The following CCDC171 variants were observed in gnomAD, a reference collection of about 807,000 sequenced individuals.
CCDC171 encodes the protein coiled-coil domain-containing protein 171.
In CCDC171, 177 loss-of-function variants were observed where a neutral mutation model predicts 168.2. The ratio of observed to expected loss-of-function variants is 1.05; its 90% CI spans 0.93 to 1.19. The LOEUF is 1.19. Among genes scored for constraint, CCDC171 ranks in the 50% most tolerant of loss-of-function variants. CCDC171 has a pLI of 0.00. For synonymous variants in CCDC171, 687 were observed against 540.8 expected, an observed-to-expected ratio of 1.27 and a Z score of -3.75; for missense variants, 1,991 against 1,539.0, an observed-to-expected ratio of 1.29 and a Z score of -4.91.
intron 17 of CCDC171, among the ~76,000 whole-genome samples, chr9:15,745,063 T>C (rs2055174855): frequency 6.6e-6 from 1 of 152,208 alleles, no homozygotes; most frequent in Non-Finnish European, 1.5e-5. Flanking sequence ...GTGGAGAGTT[T>C]ATACAGTGAT....
intron 25 of CCDC171, among the ~76,000 whole-genome samples, chr9:15,956,787 T>A (rs1281731922): frequency 6.6e-6 from 1 of 152,132 alleles, no homozygotes; most frequent in Non-Finnish European, 1.5e-5. Flanking sequence ...TAAGTGCATG[T>A]TTATGAGTAG....
intron 21 of CCDC171, among the ~76,000 whole-genome samples, chr9:15,796,211 A>T (rs2058548628): frequency 6.6e-6 from 1 of 152,204 alleles, no homozygotes; most frequent in African/African-American, 2.4e-5. Context: ...GGAGATTATG[A>T]ACTCAGTGAA....
At chr9:15,580,885 C>G (rs922787289) in intron 4 of CCDC171, among the ~76,000 whole-genome samples, 1 of 152,098 alleles carries the variant, frequency 6.6e-6, no homozygotes, top group African/African-American at 2.4e-5. Flanking sequence ...CAAGGATGCC[C>G]TCTCTCACCA....
chr9:15,891,492 A>G lies in CCDC171; in HGVS notation c.3600+16829A>G, dbSNP rs557596741. Among the ~76,000 whole-genome samples, 5 of 152,298 alleles carry G rather than the reference A, an allele frequency of 3.3e-5. No homozygotes were observed. The South Asian group carries it at 1.0e-3, about 32-fold the overall frequency. ...GCAGTTGGATCTTTGTAGGTCGATT[A>G]TGGAACAGACACACGGGAGGTGCTG... On this transcript the variant is annotated intron_variant, in intron 24 of 25. Coordinates refer to ENST00000380701, the MANE Select transcript of CCDC171 (RefSeq NM_173550.4).
intron 24 of CCDC171, among the ~76,000 whole-genome samples, chr9:15,896,929 C>T (rs917806325): frequency 1.3e-5 from 2 of 151,910 alleles, no homozygotes; most frequent in Non-Finnish European, 1.5e-5. Context: ...TCACTAAAAT[C>T]CTAGTTTTTA....
At chr9:16,064,771 G>A (rs1439250901), downstream of CCDC171, among the ~76,000 whole-genome samples, 2 of 152,206 alleles carry the variant, frequency 1.3e-5, no homozygotes, top group South Asian at 2.1e-4. Context: ...AAAATTGGCC[G>A]TAATTTATTT....
At chr9:15,987,546 A>G (rs978972860) in intron 3 of CCDC171, among the ~76,000 whole-genome samples, 9 of 152,232 alleles carry the variant, frequency 5.9e-5, no homozygotes, top group Non-Finnish European at 1.0e-4. Flanking sequence ...AAATGAATAC[A>G]AGATTGACTG....
chr9:15,718,019 C>G (rs1283656218), intron 11 of CCDC171, among the ~76,000 whole-genome samples: 2 of 151,936 alleles, frequency 1.3e-5, no homozygotes, highest in Non-Finnish European at 2.9e-5. Flanking sequence ...GGTAGAGCAC[C>G]AAGTGGGTTC....
chr9:15,876,720 G>T (rs1488019293), intron 24 of CCDC171, among the ~76,000 whole-genome samples: 1 of 152,006 alleles, frequency 6.6e-6, no homozygotes, highest in African/African-American at 2.4e-5. Context: ...TGGGCTAATA[G>T]TATGAAACTC....
intron 1 of CCDC171, among the ~76,000 whole-genome samples, chr9:15,563,166 TTCTC>T (rs1211609503): frequency 6.6e-6 from 1 of 151,466 alleles, no homozygotes; most frequent in Non-Finnish European, 1.5e-5. Flanking sequence ...GACACGGAGT[TTCTC>T]TCTTGTTGGC....
At chr9:15,700,353 C>G (rs1289919491) in intron 11 of CCDC171, among the ~76,000 whole-genome samples, 2 of 152,238 alleles carry the variant, frequency 1.3e-5, no homozygotes, top group Non-Finnish European at 2.9e-5. Flanking sequence ...CCCGCCAAGC[C>G]CACGCCCACC....
chr9:15,664,702 T>G (rs940857021), intron 8 of CCDC171, among the ~76,000 whole-genome samples: 6 of 147,946 alleles, frequency 4.1e-5, no homozygotes, highest in African/African-American at 1.0e-4. Context: ...TTGTTTTTTT[T>G]TTTTTTTTTT....
At chr9:16,020,284 G>A (rs555175110) in intron 3 of CCDC171, among the ~76,000 whole-genome samples, 2 of 152,114 alleles carry the variant, frequency 1.3e-5, no homozygotes, top group South Asian at 4.2e-4. Context: ...TTATACTTGG[G>A]TCCTATCCCC....
chr9:15,555,339 A>G (rs958249883), intron 1 of CCDC171, among the ~76,000 whole-genome samples: 8 of 152,180 alleles, frequency 5.3e-5, no homozygotes, highest in African/African-American at 1.9e-4. Flanking sequence ...TTCTTTATCT[A>G]TTACTGCTAC....
chr9:15,656,843 G>A (rs890796120), intron 7 of CCDC171, among the ~76,000 whole-genome samples: 14 of 151,314 alleles, frequency 9.3e-5, no homozygotes, highest in South Asian at 4.1e-4. Context: ...GGATGTGTAC[G>A]TGTTTGTGTG....
intron 1 of CCDC171, among the ~76,000 whole-genome samples, chr9:16,048,443 C>G (rs961598980): frequency 6.6e-6 from 1 of 152,132 alleles, no homozygotes; most frequent in Non-Finnish European, 1.5e-5. Context: ...TGGGGCCAGC[C>G]AATGCCACAT....
intron 6 of CCDC171, among the ~76,000 whole-genome samples, chr9:15,620,886 CT>C: frequency 6.6e-6 from 1 of 152,292 alleles, no homozygotes; most frequent in Middle Eastern, 3.4e-3. Flanking sequence ...GAGTTAGGAC[CT>C]TCCACCATTA....
At chr9:15,831,748 A>C (rs1245938608) in intron 21 of CCDC171, among the ~76,000 whole-genome samples, 1 of 150,990 alleles carries the variant, frequency 6.6e-6, no homozygotes, top group African/African-American at 2.5e-5. Flanking sequence ...TTGTAATATT[A>C]TTGAGTCAAC....
chr9:15,673,258 T>C (rs890065121), intron 9 of CCDC171, among the ~76,000 whole-genome samples: 1 of 152,202 alleles, frequency 6.6e-6, no homozygotes, highest in African/African-American at 2.4e-5. Flanking sequence ...TGGGCTGAGA[T>C]GATGGGGTTT....
Sources: gnomAD v4.1 joint callset for allele counts (sites outside exome capture counted in the v4.1 genomes callset) on GRCh38, gnomAD v4.1.1 for gene constraint, MANE v1.5 for transcripts, NCBI Gene and HGNC (gene_info 2026-07-23, HGNC 2026-07-21) for gene names.